SUPT3H: variants seen among roughly 807,000 people sequenced by gnomAD.
The protein encoded by SUPT3H is SPT3 homolog, SAGA and STAGA complex component, also known as transcription initiation protein SPT3 homolog.
A neutral mutation model predicts 44.3 loss-of-function variants in SUPT3H; 44 were observed. The ratio of observed to expected loss-of-function variants is 0.99; its 90% CI spans 0.78 to 1.28. The LOEUF (loss-of-function observed/expected upper bound fraction) is 1.28, where lower values mean the gene tolerates loss of function less well. SUPT3H is among the 50% of genes most tolerant of loss of function. SUPT3H has a pLI of 0.00. For missense variants in SUPT3H, 380 were observed against 387.1 expected, an observed-to-expected ratio of 0.98 and a Z score of 0.15; for synonymous variants, 124 against 125.6, an observed-to-expected ratio of 0.99 and a Z score of 0.09.
chr6:45,146,166 G>A (rs1806035003), intron 2 of SUPT3H, among the ~76,000 whole-genome samples: 1 of 152,020 alleles, frequency 6.6e-6, no homozygotes, highest in Non-Finnish European at 1.5e-5. Context: ...CCACTCCTGG[G>A]TATCTACCCA....
chr6:44,942,852 T>C (rs656463), intron 9 of SUPT3H, among the ~76,000 whole-genome samples: 149,192 of 152,290 alleles, frequency 0.98, 73,090 homozygotes, highest in Middle Eastern at 1. Context: ...TCAAAGTTTA[T>C]AGGTGAGTCT....
chr6:45,357,380 G>A (rs556300069), intron 2 of SUPT3H, among the ~76,000 whole-genome samples: 1 of 151,930 alleles, frequency 6.6e-6, no homozygotes, highest in African/African-American at 2.4e-5. Flanking sequence ...ACCCAGGCTG[G>A]AGAACAGTGG....
At chr6:44,995,297 A>G (rs1194625765) in intron 6 of SUPT3H, among the ~76,000 whole-genome samples, 1 of 152,214 alleles carries the variant, frequency 6.6e-6, no homozygotes, top group African/African-American at 2.4e-5. Flanking sequence ...TGTCTCAAAT[A>G]AAATGCAAAA....
chr6:44,978,105 C>A (rs1038634122), intron 6 of SUPT3H, among the ~76,000 whole-genome samples: 2 of 152,182 alleles, frequency 1.3e-5, no homozygotes, highest in Admixed American at 1.3e-4. Flanking sequence ...GTTATGCATG[C>A]TGCAAATCCT....
At chr6:45,030,963 T>C (rs968587720) in intron 3 of SUPT3H, among the ~76,000 whole-genome samples, 18 of 152,222 alleles carry the variant, frequency 1.2e-4, no homozygotes, top group Middle Eastern at 3.4e-3. Context: ...TCCAGAATCT[T>C]TAGATTATTA....
At chr6:44,916,973 A>C (rs1187458725) in intron 10 of SUPT3H, among the ~76,000 whole-genome samples, 1 of 128,446 alleles carries the variant, frequency 7.8e-6, no homozygotes, top group East Asian at 2.0e-4. Flanking sequence ...TCTCTACAAA[A>C]AACAAACAAA....
chr6:45,295,916 C>A (rs187923142), intron 2 of SUPT3H, among the ~76,000 whole-genome samples: 2 of 151,928 alleles, frequency 1.3e-5, no homozygotes, highest in Non-Finnish European at 2.9e-5. Flanking sequence ...GAAAATGGTA[C>A]GGAGATTCTT....
At chr6:45,098,784 A>G (rs986613043) in intron 3 of SUPT3H, 5 of 512,604 alleles carry the variant, frequency 9.8e-6, no homozygotes, top group African/African-American at 7.8e-5. Context: ...AGAGATGCAG[A>G]TTGATTACTG....
In SUPT3H at chr6:44,828,446, A is replaced by C. The variant is rs9472373; in HGVS notation, c.*1370T>G. On this transcript the variant is annotated 3_prime_UTR_variant, in exon 11 of 11. Coordinates refer to ENST00000371459, the MANE Select transcript of SUPT3H (RefSeq NM_003599.4). Reference sequence around the variant, plus strand: ...AATGTAAATAATGTGGCATAATAATATTAACTGAGCCTCATAATTCTTTGA... The same window carrying C: ...AATGTAAATAATGTGGCATAATAATCTTAACTGAGCCTCATAATTCTTTGA... Among the ~76,000 whole-genome samples, 13,221 of 152,256 alleles carry C rather than the reference A, an allele frequency of 0.087. 955 individuals are homozygous for C. Among genetic ancestry groups the C allele is most frequent in the African/African-American group, 0.2 (8,126 of 41,548 alleles).
downstream of SUPT3H, among the ~76,000 whole-genome samples, chr6:44,825,518 T>C (rs1033051520): frequency 6.6e-6 from 1 of 152,208 alleles, no homozygotes; most frequent in African/African-American, 2.4e-5. Context: ...CTACCTTGGG[T>C]AATTCTGCAT....
At chr6:45,154,849 TA>T (rs1807559157) in intron 2 of SUPT3H, among the ~76,000 whole-genome samples, 1 of 152,186 alleles carries the variant, frequency 6.6e-6, no homozygotes, top group African/African-American at 2.4e-5. Flanking sequence ...TTTCCCCTAT[TA>T]ATCTGCCTTT....
At chr6:44,996,299 A>C (rs1455592819) in intron 6 of SUPT3H, among the ~76,000 whole-genome samples, 2 of 151,582 alleles carry the variant, frequency 1.3e-5, no homozygotes, top group Non-Finnish European at 3.0e-5. Context: ...TTATATATTT[A>C]TTTTTATTTC....
chr6:45,053,873 C>T (rs1790709913), intron 3 of SUPT3H, among the ~76,000 whole-genome samples: 1 of 149,630 alleles, frequency 6.7e-6, no homozygotes, highest in African/African-American at 2.5e-5. Flanking sequence ...TGAGGTCACG[C>T]CACTGCACTC....
chr6:45,376,705 T>C (rs948374677), intron 1 of SUPT3H, among the ~76,000 whole-genome samples: 4 of 152,240 alleles, frequency 2.6e-5, no homozygotes, highest in African/African-American at 9.6e-5. Context: ...CTGTTTCTCA[T>C]AGGCAAATTC....
intron 1 of SUPT3H, among the ~76,000 whole-genome samples, chr6:45,373,545 T>TTG (rs368652949): frequency 0.01 from 1,560 of 150,300 alleles, 11 homozygotes; most frequent in Non-Finnish European, 0.014. Context: ...AAAATATTAT[T>TTG]TGTGTGTGTG....
At chr6:44,925,810 C>A (rs929477913) in intron 10 of SUPT3H, among the ~76,000 whole-genome samples, 4 of 152,124 alleles carry the variant, frequency 2.6e-5, no homozygotes, top group African/African-American at 9.7e-5. Context: ...TAACCCTGAA[C>A]AAGTAAATTC....
chr6:45,362,419 T>A (rs1437954455), intron 2 of SUPT3H, among the ~76,000 whole-genome samples: 4 of 152,130 alleles, frequency 2.6e-5, no homozygotes, highest in African/African-American at 9.7e-5. Flanking sequence ...AGTCACAGAA[T>A]GAAATTACTG....
At chr6:45,039,548 G>C (rs1240492833) in intron 3 of SUPT3H, among the ~76,000 whole-genome samples, 1 of 152,078 alleles carries the variant, frequency 6.6e-6, no homozygotes, top group Admixed American at 6.5e-5. Context: ...GAGAGGCTAA[G>C]GCTGGTGGAT....
chr6:45,093,146 T>C (rs1204084360), intron 3 of SUPT3H, among the ~76,000 whole-genome samples: 1 of 152,088 alleles, frequency 6.6e-6, no homozygotes, highest in Non-Finnish European at 1.5e-5. Context: ...AAAATACATA[T>C]TTTACAAAAT....
Sources: gnomAD v4.1 joint callset for allele counts (sites outside exome capture counted in the v4.1 genomes callset) on GRCh38, gnomAD v4.1.1 for gene constraint, MANE v1.5 for transcripts, NCBI Gene and HGNC (gene_info 2026-07-23, HGNC 2026-07-21) for gene names.